HCN1: variants seen among roughly 807,000 people sequenced by gnomAD.
The protein encoded by HCN1 is hyperpolarization activated cyclic nucleotide gated potassium channel 1, also known as potassium/sodium hyperpolarization-activated cyclic nucleotide-gated channel 1.
Under a neutral mutation model 78.9 loss-of-function variants are expected in HCN1, and 13 were observed. That is an observed-to-expected ratio of 0.16 (90% CI 0.11 to 0.26). HCN1 has a LOEUF of 0.26. HCN1 is among the 10% of genes least tolerant of loss of function. The pLI is 1.00. For synonymous variants in HCN1, 552 were observed against 455.5 expected, an observed-to-expected ratio of 1.21 and a Z score of -2.70; for missense variants, 810 against 1,154.3, an observed-to-expected ratio of 0.70 and a Z score of 4.32.
chr5:45,347,384 G>A (rs528068808), intron 5 of HCN1, among the ~76,000 whole-genome samples: 8 of 152,160 alleles, frequency 5.3e-5, no homozygotes, highest in Admixed American at 1.3e-4. Context: ...CATCGTCAAA[G>A]AACAAAAGTC....
At chr5:45,550,113 A>C (rs1485251476) in intron 2 of HCN1, among the ~76,000 whole-genome samples, 1 of 152,126 alleles carries the variant, frequency 6.6e-6, no homozygotes, top group Non-Finnish European at 1.5e-5. Flanking sequence ...ATCTAGAACT[A>C]GAAATACCAT....
In HCN1 at chr5:45,342,453, G is replaced by T. The variant is rs1030296734; in HGVS notation, c.1377+10647C>A. Among the ~76,000 whole-genome samples the T allele has an allele frequency of 2.0e-5, 3 of 151,356 alleles. No homozygotes were observed. In the East Asian group the frequency reaches 5.8e-4, roughly 29 times the overall value. On this transcript the variant is annotated intron_variant, in intron 5 of 7. Coordinates refer to ENST00000303230, the MANE Select transcript of HCN1 (RefSeq NM_021072.4). ...GGAGTTTGCCATGTTGGCCAAACTGGTCTTAAACTCCTGACCACAGGTGAT... is the reference window on the plus strand; with the variant it reads ...GGAGTTTGCCATGTTGGCCAAACTGTTCTTAAACTCCTGACCACAGGTGAT...
chr5:45,642,017 G>A (rs1013590930), intron 2 of HCN1: 3 of 151,994 alleles, frequency 2.0e-5, no homozygotes, highest in South Asian at 4.1e-4. Flanking sequence ...TAACAACAAC[G>A]ACAATGCTGA....
intron 2 of HCN1, among the ~76,000 whole-genome samples, chr5:45,495,409 ATTGGTG>A (rs1344906094): frequency 6.9e-6 from 1 of 144,130 alleles, no homozygotes. Flanking sequence ...TTTGTCTGTT[ATTGGTG>A]TATAAGAATG....
chr5:45,689,069 G>C (rs1739858980), intron 1 of HCN1, among the ~76,000 whole-genome samples: 4 of 152,052 alleles, frequency 2.6e-5, no homozygotes. Context: ...TGATTGTGGT[G>C]ATGGCTGCAT....
In HCN1 at chr5:45,652,180, AT is replaced by A. The variant is rs999286455; in HGVS notation, c.426-6573del. On this transcript the variant is annotated intron_variant, in intron 1 of 7. Transcript: ENST00000303230. Reference sequence around the variant, plus strand: ...AAGCAAAAGTAAACATGTTTTGTCTATTTCCCCCTTCTCCTGAAACTGTATT... The same window carrying A: ...AAGCAAAAGTAAACATGTTTTGTCTATTCCCCCTTCTCCTGAAACTGTATT... Among the ~76,000 whole-genome samples the A allele has an allele frequency of 6.6e-5, 10 of 151,988 alleles. No individual in the cohort carries two copies. In the South Asian group the frequency reaches 1.9e-3, roughly 28 times the overall value.
At chr5:45,308,428 A>AT in intron 5 of HCN1, among the ~76,000 whole-genome samples, 1 of 152,130 alleles carries the variant, frequency 6.6e-6, no homozygotes. Flanking sequence ...AATAAATATG[A>AT]TTTTGTCATA....
chr5:45,492,832 T>G, intron 2 of HCN1, among the ~76,000 whole-genome samples: 1 of 152,180 alleles, frequency 6.6e-6, no homozygotes, highest in East Asian at 1.9e-4. Context: ...TGTAAGTACT[T>G]GTTATCATAC....
Position 45,267,227 on chromosome 5 carries a change from G to A in HCN1, c.1645C>T (p.Arg549Cys), listed in dbSNP as rs868454030. ...GTATCAGCTCGAACACTGGCAGTACGACGTCCTTTGGTCAGCAGGCAAATC... is the reference window on the plus strand; with the variant it reads ...GTATCAGCTCGAACACTGGCAGTACAACGTCCTTTGGTCAGCAGGCAAATC... Reference protein sequence around the residue: ...GEICLLTKGRRTASVRADTYC... With the variant: ...GEICLLTKGRCTASVRADTYC... The change falls in exon 7 of 8, where the codon CGT becomes TGT. Residue 549 changes from arginine (R) to cysteine (C), a missense_variant. Physicochemically the swap from Arg to Cys is radical, Grantham distance 180 (BLOSUM62 -3). Coordinates refer to ENST00000303230, the MANE Select transcript of HCN1 (RefSeq NM_021072.4). 6.2e-7 allele frequency: 1 copy of A among 1,613,902 alleles called. No individual in the cohort carries two copies. Among genetic ancestry groups the A allele is most frequent in the Non-Finnish European group, 8.5e-7 (1 of 1,179,918 alleles).
chr5:45,681,916 T>C (rs1435858833), intron 1 of HCN1, among the ~76,000 whole-genome samples: 4 of 152,166 alleles, frequency 2.6e-5, no homozygotes, highest in African/African-American at 7.2e-5. Flanking sequence ...AGAATGTTTA[T>C]GTCTCCCTAA....
At chr5:45,300,894 G>A (rs1391886297) in intron 6 of HCN1, among the ~76,000 whole-genome samples, 1 of 152,038 alleles carries the variant, frequency 6.6e-6, no homozygotes, top group East Asian at 1.9e-4. Context: ...AGGCTAAGGG[G>A]CCAATGAGAC....
rs1382000230 is a variant in HCN1 at position 45,259,096 on chromosome 5, C to A, written c.*2825G>T. On this transcript the variant is annotated 3_prime_UTR_variant, in exon 8 of 8. Coordinates refer to ENST00000303230, the MANE Select transcript of HCN1 (RefSeq NM_021072.4). ...ATCCATGTTCTATTTAAAGTCCTCT[C>A]ATTCCAGAATTATAGAATATAATTG... 2.0e-5 allele frequency: 3 copies of A among 151,896 alleles called. No individual in the cohort carries two copies. Among genetic ancestry groups the A allele is most frequent in the Non-Finnish European group, 4.4e-5 (3 of 67,924 alleles). 9.4% of individuals were successfully genotyped at this position (151,896 alleles called of 1,614,324 possible). A position where few individuals can be genotyped will look rare whatever the true frequency, so the allele number is the denominator to read the frequency against.
chr5:45,315,002 C>A (rs562565236), intron 5 of HCN1, among the ~76,000 whole-genome samples: 6 of 152,240 alleles, frequency 3.9e-5, no homozygotes, highest in African/African-American at 1.4e-4. Flanking sequence ...TTAGACAGAT[C>A]AACGAGACAG....
intron 2 of HCN1, among the ~76,000 whole-genome samples, chr5:45,515,498 T>C (rs1742499485): frequency 6.6e-6 from 1 of 152,034 alleles, no homozygotes; most frequent in South Asian, 2.1e-4. Context: ...CAAAATGTAT[T>C]ACACTTTTAT....
At chr5:45,613,561 C>T (rs1323856304) in intron 2 of HCN1, among the ~76,000 whole-genome samples, 1 of 151,748 alleles carries the variant, frequency 6.6e-6, no homozygotes, top group Non-Finnish European at 1.5e-5. Context: ...TGTGGCGATT[C>T]CTCAGGGATC....
chr5:45,660,799 T>C (rs1197792436), intron 1 of HCN1, among the ~76,000 whole-genome samples: 1 of 133,658 alleles, frequency 7.5e-6, no homozygotes, highest in Non-Finnish European at 1.6e-5. Context: ...CCCAGATTCA[T>C]AAAGCAAGTC....
At chr5:45,674,202 A>G (rs1416386544) in intron 1 of HCN1, among the ~76,000 whole-genome samples, 2 of 151,322 alleles carry the variant, frequency 1.3e-5, no homozygotes, top group Non-Finnish European at 3.0e-5. Flanking sequence ...TATGAATTAT[A>G]TAAATTAGCT....
At chr5:45,468,034 C>A (rs531346817) in intron 2 of HCN1, among the ~76,000 whole-genome samples, 2 of 152,162 alleles carry the variant, frequency 1.3e-5, no homozygotes, top group East Asian at 1.9e-4. Context: ...AGGCACAAAG[C>A]AAAATTTGAT....
At chr5:45,527,999 A>G (rs1742773536) in intron 2 of HCN1, among the ~76,000 whole-genome samples, 1 of 151,762 alleles carries the variant, frequency 6.6e-6, no homozygotes, top group Admixed American at 6.6e-5. Context: ...TAAATTAAAA[A>G]TAAAATCAAT....
Sources: allele counts gnomAD v4.1 joint callset (sites outside exome capture counted in the v4.1 genomes callset), GRCh38; gene constraint gnomAD v4.1.1; transcripts MANE v1.5; gene names NCBI Gene and HGNC (gene_info 2026-07-23, HGNC 2026-07-21).